The following RAP1B variants were observed in gnomAD, a reference collection of about 807,000 sequenced individuals.
RAP1B encodes ras-related protein Rap-1b.
RAP1B carries 1 observed loss-of-function variant against 27.5 expected under a neutral mutation model. The observed-to-expected ratio is 0.04, with a 90% confidence interval of 0.01 to 0.17. RAP1B has a LOEUF of 0.17. Ranked by LOEUF, RAP1B falls within the 10% of genes least tolerant of loss-of-function variation. RAP1B has a pLI of 1.00. For missense variants in RAP1B, 84 were observed against 214.8 expected, an observed-to-expected ratio of 0.39 and a Z score of 3.81; for synonymous variants, 75 against 73.1, an observed-to-expected ratio of 1.03 and a Z score of -0.13.
At position 68,666,194 on chromosome 12, in the gene RAP1B, C is replaced by T. The variant is rs979203912; in HGVS notation, c.*6945C>T. On this transcript the variant is annotated 3_prime_UTR_variant, in exon 8 of 8. Coordinates refer to ENST00000250559, the MANE Select transcript of RAP1B (RefSeq NM_001010942.3). Reference sequence around the variant, plus strand: ...TGCCTTTGCAGTATTTCTCTACTTCCCCAGTAATGTAAACTTTATTTTCTC... The same window carrying T: ...TGCCTTTGCAGTATTTCTCTACTTCTCCAGTAATGTAAACTTTATTTTCTC... The T allele has an allele frequency of 1.4e-4, 21 of 152,192 alleles. No individual in the cohort carries two copies. The highest frequency in any genetic ancestry group is 1.6e-4 in the Non-Finnish European group (11 of 68,040). The allele number at this position is 152,192 out of a possible 1,614,324, so 9.4% of individuals were successfully genotyped here.
chr12:68,635,707 G>A (rs1303991696), intron 1 of RAP1B, among the ~76,000 whole-genome samples: 3 of 152,058 alleles, frequency 2.0e-5, no homozygotes, highest in African/African-American at 2.4e-5. Context: ...CACCCGCCTC[G>A]GCCTCCCAAA....
chr12:68,633,222 C>T (rs867737799), intron 1 of RAP1B, among the ~76,000 whole-genome samples: 1 of 151,724 alleles, frequency 6.6e-6, no homozygotes, highest in Non-Finnish European at 1.5e-5. Flanking sequence ...CTCCACTGAA[C>T]CCCCCACCAC....
At chr12:68,627,196 G>A in intron 1 of RAP1B, 1 of 1,528,718 alleles carries the variant, frequency 6.5e-7, no homozygotes, top group Non-Finnish European at 8.9e-7. Flanking sequence ...CTACACTGGG[G>A]TAGTGCAAGG....
In RAP1B at chr12:68,663,146, C is replaced by T. The variant is rs1261711879; in HGVS notation, c.*3897C>T. 3 of 152,016 alleles carry T rather than the reference C, an allele frequency of 2.0e-5. No individual in the cohort carries two copies. The highest frequency in any genetic ancestry group is 2.9e-5 in the Non-Finnish European group (2 of 68,058). The allele number at this position is 152,016 out of a possible 1,614,324, so 9.4% of individuals were successfully genotyped here. ...TGGTGCGATCTTGGCTCACCCCAAC[C>T]TCTGCCTCCCAGGTTCAAGCAATTC... On this transcript the variant is annotated 3_prime_UTR_variant, in exon 8 of 8. Transcript: ENST00000250559.
chr12:68,630,376 A>T (rs1872145581), intron 1 of RAP1B, among the ~76,000 whole-genome samples: 1 of 152,206 alleles, frequency 6.6e-6, no homozygotes. Flanking sequence ...TTAAAACTTT[A>T]TGAGTGTGAC....
intron 1 of RAP1B, among the ~76,000 whole-genome samples, chr12:68,622,522 C>T (rs1871457219): frequency 6.6e-6 from 1 of 152,188 alleles, no homozygotes; most frequent in South Asian, 2.1e-4. Flanking sequence ...CAATCTTTTG[C>T]CAGCCCTCTG....
chr12:68,647,178 G>A (rs923237160), intron 1 of RAP1B, among the ~76,000 whole-genome samples: 2 of 152,182 alleles, frequency 1.3e-5, no homozygotes, highest in East Asian at 3.9e-4. Flanking sequence ...TCGGCTTTGC[G>A]AGTAGCTGTG....
At chr12:68,653,304 T>C (rs1873947914) in intron 4 of RAP1B, among the ~76,000 whole-genome samples, 1 of 152,238 alleles carries the variant, frequency 6.6e-6, no homozygotes, top group Admixed American at 6.5e-5. Flanking sequence ...AGGGAAGATT[T>C]GTTCTCGGTG....
chr12:68,640,875 C>G (rs780432443), intron 1 of RAP1B, among the ~76,000 whole-genome samples: 3 of 151,906 alleles, frequency 2.0e-5, no homozygotes, highest in Non-Finnish European at 4.4e-5. Flanking sequence ...TTCTTTGATT[C>G]ATGTCTTCAG....
chr12:68,649,553 A>G (rs1873663135), intron 2 of RAP1B: 1 of 152,106 alleles, frequency 6.6e-6, no homozygotes, highest in Admixed American at 6.6e-5. Context: ...AAATAATTTG[A>G]TGAATAGTTC....
chr12:68,663,496 C>G lies in RAP1B; in HGVS notation c.*4247C>G, dbSNP rs981667101. On this transcript the variant is annotated 3_prime_UTR_variant, in exon 8 of 8. Transcript: ENST00000250559. ...GTCTGTGTTGGGATACCTGTTGAAA[C>G]AAGACTACTAAACAGATTAATCAAC... 3.9e-5 allele frequency: 6 copies of G among 152,178 alleles called. No homozygotes were observed. Among genetic ancestry groups the G allele is most frequent in the African/African-American group, 1.2e-4 (5 of 41,434 alleles). The allele number at this position is 152,178 out of a possible 1,614,324, so 9.4% of individuals were successfully genotyped here.
At chr12:68,625,423 AATTATT>A (rs1276601543) in intron 1 of RAP1B, among the ~76,000 whole-genome samples, 1 of 152,366 alleles carries the variant, frequency 6.6e-6, no homozygotes, top group Non-Finnish European at 1.5e-5. Context: ...GAGATACTAA[AATTATT>A]ATTAGAGAAA....
intron 3 of RAP1B, 153 bp downstream of exon 3, chr12:68,650,621 T>A: frequency 1.4e-6 from 1 of 707,634 alleles, no homozygotes; most frequent in Non-Finnish European, 2.0e-6. Flanking sequence ...ATTGCATAGT[T>A]ACCAGTTTAA....
intron 1 of RAP1B, among the ~76,000 whole-genome samples, chr12:68,613,778 G>A (rs1026395271): frequency 6.6e-6 from 1 of 152,192 alleles, no homozygotes; most frequent in Non-Finnish European, 1.5e-5. Flanking sequence ...TAATGGTAAT[G>A]AACATTCAAA....
chr12:68,653,316 A>G (rs1187314255), intron 4 of RAP1B, among the ~76,000 whole-genome samples: 1 of 152,218 alleles, frequency 6.6e-6, no homozygotes, highest in Admixed American at 6.5e-5. Context: ...TTCTCGGTGT[A>G]TGGTATTCAT....
At chr12:68,625,947 A>C (rs186207627) in intron 1 of RAP1B, among the ~76,000 whole-genome samples, 46 of 152,058 alleles carry the variant, frequency 3.0e-4, no homozygotes, top group Admixed American at 3.9e-4. Context: ...TTTCAGGTGT[A>C]TTCAGGAGTG....
chr12:68,646,750 TC>T (rs1873438014), intron 1 of RAP1B, among the ~76,000 whole-genome samples: 1 of 152,236 alleles, frequency 6.6e-6, no homozygotes, highest in African/African-American at 2.4e-5. Flanking sequence ...TTATTGTACT[TC>T]CATTTGTTAG....
rs865974158 is a variant in RAP1B, at chr12:68,657,844, A to C, written c.*30+627A>C. On this transcript the variant is annotated intron_variant, in intron 7 of 7. Coordinates refer to ENST00000250559, the MANE Select transcript of RAP1B (RefSeq NM_001010942.3). Reference sequence around the variant, plus strand: ...ATTTAAAACACACACACACACACACACCCCTGACATGTTCATCATGTGCCA... The same window carrying C: ...ATTTAAAACACACACACACACACACCCCCCTGACATGTTCATCATGTGCCA... 7.9e-4 allele frequency: 112 copies of C among 141,652 alleles called. 1 individual carries two copies. The highest frequency in any genetic ancestry group is 1.3e-3 in the Non-Finnish European group (84 of 66,860). 8.8% of individuals were successfully genotyped at this position (141,652 alleles called of 1,614,324 possible).
chr12:68,621,968 C>T (rs1871415322), intron 1 of RAP1B, among the ~76,000 whole-genome samples: 1 of 151,964 alleles, frequency 6.6e-6, no homozygotes, highest in Non-Finnish European at 1.5e-5. Flanking sequence ...TAGCTCATTC[C>T]ATTGGGTGTG....
Sources: gnomAD v4.1 joint callset for allele counts (sites outside exome capture counted in the v4.1 genomes callset) on GRCh38, gnomAD v4.1.1 for gene constraint, MANE v1.5 for transcripts, NCBI Gene and HGNC (gene_info 2026-07-23, HGNC 2026-07-21) for gene names.